SPOCK1: variants seen among roughly 807,000 people sequenced by gnomAD.
SPOCK1 encodes the protein SPARC (osteonectin), cwcv and kazal like domains proteoglycan 1, also known as testican-1.
Under a neutral mutation model 55.3 loss-of-function variants are expected in SPOCK1, and 23 were observed. The observed-to-expected ratio is 0.42, with a 90% CI of 0.30 to 0.59. The LOEUF is 0.59. Ranked by LOEUF, SPOCK1 falls within the 20% of genes least tolerant of loss-of-function variation. The probability of loss-of-function intolerance (pLI) is 0.22; values close to 1 mark genes in which losing one functional copy is unlikely to be tolerated. For synonymous variants in SPOCK1, 226 were observed against 221.0 expected, an observed-to-expected ratio of 1.02 and a Z score of -0.20; for missense variants, 499 against 552.5, an observed-to-expected ratio of 0.90 and a Z score of 0.97.
At chr5:137,145,863 G>C (rs1286036513) in intron 3 of SPOCK1, among the ~76,000 whole-genome samples, 3 of 152,210 alleles carry the variant, frequency 2.0e-5, no homozygotes, top group Admixed American at 6.5e-5. Flanking sequence ...CCAGGGGTAA[G>C]AAAGTTTGTG....
intron 2 of SPOCK1, among the ~76,000 whole-genome samples, chr5:137,362,411 G>C (rs1032624833): frequency 6.7e-6 from 1 of 149,342 alleles, no homozygotes; most frequent in Non-Finnish European, 1.5e-5. Flanking sequence ...CTCACGGCAA[G>C]CTCCTCCTCC....
intron 2 of SPOCK1, among the ~76,000 whole-genome samples, chr5:137,286,267 A>C (rs1757263917): frequency 6.6e-6 from 1 of 152,196 alleles, no homozygotes; most frequent in Non-Finnish European, 1.5e-5. Context: ...GGCCTCAAAA[A>C]CATTCTAAAT....
intron 2 of SPOCK1, among the ~76,000 whole-genome samples, chr5:137,353,659 G>A (rs1750729448): frequency 6.6e-6 from 1 of 152,120 alleles, no homozygotes; most frequent in African/African-American, 2.4e-5. Flanking sequence ...GCTCCCTCCA[G>A]GAAACTAACT....
chr5:137,002,482 C>CA (rs34057217), intron 6 of SPOCK1, among the ~76,000 whole-genome samples: 4,774 of 136,874 alleles, frequency 0.035, 274 homozygotes, highest in African/African-American at 0.12. Flanking sequence ...ACTCTGGGGC[C>CA]AAAAAAAAAA....
intron 2 of SPOCK1, among the ~76,000 whole-genome samples, chr5:137,496,859 A>G (rs1042158849): frequency 3.3e-5 from 5 of 152,208 alleles, no homozygotes; most frequent in African/African-American, 1.2e-4. Context: ...GTTATTATGT[A>G]TCAATTAAAA....
intron 4 of SPOCK1, among the ~76,000 whole-genome samples, chr5:137,139,125 C>G (rs942642138): frequency 6.6e-6 from 1 of 152,212 alleles, no homozygotes; most frequent in African/African-American, 2.4e-5. Context: ...GCTTTACTAC[C>G]AGGAAAACAG....
chr5:137,319,156 T>C (rs1054055656), intron 2 of SPOCK1, among the ~76,000 whole-genome samples: 2 of 152,226 alleles, frequency 1.3e-5, no homozygotes, highest in African/African-American at 2.4e-5. Context: ...TGGAGCCTGT[T>C]TGAGACATCA....
At chr5:136,997,690 C>T (rs1484629424) in intron 6 of SPOCK1, among the ~76,000 whole-genome samples, 1 of 152,232 alleles carries the variant, frequency 6.6e-6, no homozygotes, top group Non-Finnish European at 1.5e-5. Flanking sequence ...CTTGCTAATG[C>T]CAATTCCTCC....
At chr5:137,388,968 T>C (rs900945991) in intron 2 of SPOCK1, among the ~76,000 whole-genome samples, 8 of 152,172 alleles carry the variant, frequency 5.3e-5, no homozygotes, top group Non-Finnish European at 1.0e-4. Flanking sequence ...ACTGGCATAA[T>C]TTAGGTAGGC....
intron 2 of SPOCK1, among the ~76,000 whole-genome samples, chr5:137,362,554 T>C (rs527469929): frequency 6.6e-5 from 10 of 152,002 alleles, no homozygotes; most frequent in Admixed American, 5.9e-4. Flanking sequence ...GGTCTCGATC[T>C]CCTGACCTTG....
At chr5:137,420,243 T>G (rs1480830214) in intron 2 of SPOCK1, among the ~76,000 whole-genome samples, 5 of 152,218 alleles carry the variant, frequency 3.3e-5, no homozygotes, top group Non-Finnish European at 7.3e-5. Context: ...TCAGGGATAT[T>G]GGTCTAAAAT....
intron 3 of SPOCK1, among the ~76,000 whole-genome samples, chr5:137,212,310 G>A (rs1319553678): frequency 1.3e-5 from 2 of 152,016 alleles, no homozygotes; most frequent in African/African-American, 4.8e-5. Flanking sequence ...AGAGTAGAGA[G>A]AAAAAACAGG....
intron 4 of SPOCK1, among the ~76,000 whole-genome samples, chr5:137,125,910 G>T (rs1186884555): frequency 6.6e-6 from 1 of 152,178 alleles, no homozygotes; most frequent in East Asian, 1.9e-4. Context: ...CACCCAGAAA[G>T]AAAAGGAGAG....
At chr5:137,301,692 C>A (rs887784283) in intron 2 of SPOCK1, among the ~76,000 whole-genome samples, 13 of 130,444 alleles carry the variant, frequency 1.0e-4, no homozygotes, top group Admixed American at 4.6e-4. Context: ...CTACTCAGGG[C>A]GCAGAAGGAA....
intron 6 of SPOCK1, among the ~76,000 whole-genome samples, chr5:137,031,919 TAC>T (rs1285018635): frequency 1.3e-5 from 2 of 151,148 alleles, no homozygotes; most frequent in African/African-American, 4.8e-5. Flanking sequence ...TATAGATACA[TAC>T]ACACACATAC....
At chr5:136,979,536 A>G in intron 9 of SPOCK1, 67 bp from the exon 10 acceptor site, 1 of 1,565,748 alleles carries the variant, frequency 6.4e-7, no homozygotes, top group South Asian at 1.2e-5. Flanking sequence ...AATGCCCGTC[A>G]ACACAGGGAA....
At chr5:137,363,224 A>T (rs1023591442) in intron 2 of SPOCK1, among the ~76,000 whole-genome samples, 3 of 152,166 alleles carry the variant, frequency 2.0e-5, no homozygotes, top group African/African-American at 7.2e-5. Context: ...CAATACAAGT[A>T]TGTCCCCAAC....
chr5:137,486,040 G>C (rs1279829376), intron 2 of SPOCK1, among the ~76,000 whole-genome samples: 2 of 152,212 alleles, frequency 1.3e-5, no homozygotes, highest in African/African-American at 4.8e-5. Context: ...GCTAAGGGCA[G>C]GGTATGTTTT....
In SPOCK1 at chr5:137,271,281, G is replaced by A. The variant is rs549915355; in HGVS notation, c.187-4226C>T. 4.0e-5 allele frequency among the ~76,000 whole-genome samples: 6 copies of A among 151,064 alleles called. No individual in the cohort carries two copies. The South Asian group carries it at 1.2e-3, about 31-fold the overall frequency. ...GTGAAATTATTGGCACTCGATGGCTGGTGCAAAGGAATTTAACTATTAATG... is the reference window on the plus strand; with the variant it reads ...GTGAAATTATTGGCACTCGATGGCTAGTGCAAAGGAATTTAACTATTAATG... On this transcript the variant is annotated intron_variant, in intron 2 of 10. Coordinates refer to ENST00000394945, the MANE Select transcript of SPOCK1 (RefSeq NM_004598.4).
Sources: allele counts gnomAD v4.1 joint callset (sites outside exome capture counted in the v4.1 genomes callset), GRCh38; gene constraint gnomAD v4.1.1; transcripts MANE v1.5; gene names NCBI Gene and HGNC (gene_info 2026-07-23, HGNC 2026-07-21).